The following DCHS2 variants were observed in gnomAD, a reference collection of about 807,000 sequenced individuals.
DCHS2 encodes dachsous cadherin-related 2.
Under a neutral mutation model 182.4 loss-of-function variants are expected in DCHS2, and 142 were observed. The ratio of observed to expected loss-of-function variants is 0.78; its 90% CI spans 0.68 to 0.89. DCHS2 has a LOEUF of 0.89. DCHS2 is among the 40% of genes least tolerant of loss of function. The pLI, the probability that DCHS2 is intolerant of heterozygous loss-of-function variation, is 0.00. For synonymous variants in DCHS2, 1,740 were observed against 1,663.3 expected (o/e 1.05, Z -1.12); for missense variants, 4,319 against 4,198.6 (o/e 1.03, Z -0.79).
chr4:154,341,178 C>T (rs1343923601), intron 3 of DCHS2, among the ~76,000 whole-genome samples: 2 of 152,028 alleles, frequency 1.3e-5, no homozygotes, highest in Non-Finnish European at 2.9e-5. Context: ...ACCATCCTGG[C>T]TAACACAGTG....
chr4:154,296,446 C>T (rs928116626), intron 13 of DCHS2, among the ~76,000 whole-genome samples: 2 of 152,112 alleles, frequency 1.3e-5, no homozygotes, highest in African/African-American at 4.8e-5. Flanking sequence ...ATTCTGAGTG[C>T]CTCTTCCTAC....
chr4:154,314,513 T>G (rs1735780684), intron 10 of DCHS2, among the ~76,000 whole-genome samples: 3 of 152,082 alleles, frequency 2.0e-5, no homozygotes, highest in Non-Finnish European at 2.9e-5. Flanking sequence ...TTGAAAAGAG[T>G]GTTAGTAACA....
intron 1 of DCHS2, among the ~76,000 whole-genome samples, chr4:154,474,423 A>G (rs1167983746): frequency 6.6e-6 from 1 of 152,126 alleles, no homozygotes; most frequent in Non-Finnish European, 1.5e-5. Context: ...TCCTCACGCA[A>G]GGCTATGCCC....
chr4:154,373,114 A>T (rs1236591864), intron 2 of DCHS2, among the ~76,000 whole-genome samples: 1 of 152,228 alleles, frequency 6.6e-6, no homozygotes, highest in Non-Finnish European at 1.5e-5. Flanking sequence ...AAATAAACTC[A>T]TTATGGCCTA....
rs142662132 is a variant in DCHS2, at chr4:154,419,508, G to A, written c.2053-42064C>T. 2.4e-3 allele frequency among the ~76,000 whole-genome samples: 365 copies of A among 151,940 alleles called. 7 individuals carry two copies. The East Asian group carries it at 0.05, about 21-fold the overall frequency. On this transcript the variant is annotated intron_variant, in intron 1 of 19. Coordinates refer to ENST00000357232, the MANE Select transcript of DCHS2 (RefSeq NM_001358235.2). ...TCTACTAAAAATACAAAAGTTAGCC[G>A]GGTGTGGTGGTGGGCACCTGTAATC...
chr4:154,260,547 T>G (rs2111173468), intron 14 of DCHS2, among the ~76,000 whole-genome samples: 1 of 152,292 alleles, frequency 6.6e-6, no homozygotes, highest in East Asian at 1.9e-4. Flanking sequence ...GATCATAATA[T>G]GCATCTGCTT....
At chr4:154,258,100 G>T (rs1732789371) in intron 15 of DCHS2, among the ~76,000 whole-genome samples, 2 of 151,920 alleles carry the variant, frequency 1.3e-5, no homozygotes, top group African/African-American at 4.8e-5. Flanking sequence ...GACTGGAAAA[G>T]TGAATGTTCT....
intron 4 of DCHS2, 71 bp from the exon 5 acceptor site, chr4:154,333,565 T>C (rs1728621759): frequency 7.1e-7 from 1 of 1,417,416 alleles, no homozygotes; most frequent in South Asian, 1.4e-5. Flanking sequence ...GAAATTGAAA[T>C]GTTAATACAG....
At position 154,259,507 on chromosome 4, in the gene DCHS2, CA is replaced by C. The variant is rs780941860; in HGVS notation, c.6789+37del. The C allele has an allele frequency of 3.1e-6, 5 of 1,590,200 alleles. No homozygotes were observed. In the African/African-American group the frequency reaches 4.2e-5, roughly 13 times the overall value. On this transcript the variant is annotated intron_variant, in intron 15 of 19. Transcript: ENST00000357232. ...TCTCTCACACAGACACACCCACACA[CA>C]CACACACACACACACACACAAATAT...
At chr4:154,307,195 C>T (rs930719652) in intron 10 of DCHS2, among the ~76,000 whole-genome samples, 2 of 152,038 alleles carry the variant, frequency 1.3e-5, no homozygotes, top group Non-Finnish European at 2.9e-5. Flanking sequence ...CCCTTATAAT[C>T]CTACAGAACA....
At chr4:154,388,828 A>C (rs1731540080) in intron 1 of DCHS2, among the ~76,000 whole-genome samples, 1 of 152,178 alleles carries the variant, frequency 6.6e-6, no homozygotes, top group African/African-American at 2.4e-5. Flanking sequence ...ATTATTATGA[A>C]AAAGAAGATG....
chr4:154,421,033 C>T (rs1733089418), intron 1 of DCHS2, among the ~76,000 whole-genome samples: 3 of 152,148 alleles, frequency 2.0e-5, no homozygotes, highest in Non-Finnish European at 4.4e-5. Context: ...TCAGAAGTCA[C>T]ACTCACTGAC....
Position 154,331,854 on chromosome 4 carries a change from C to T in DCHS2, c.3730+624G>A, listed in dbSNP as rs980998660. On this transcript the variant is annotated intron_variant, in intron 5 of 19. Transcript: ENST00000357232. ...CATTGTAAGGATTAAATAAACTCCC[C>T]GTAAACTTATACAACATAAATTTTA... 1.5e-5 allele frequency: 12 copies of T among 823,994 alleles called. No individual in the cohort carries two copies. The South Asian group carries it at 1.6e-4, about 11-fold the overall frequency. 51.0% of individuals were successfully genotyped at this position (823,994 alleles called of 1,614,324 possible). A position where few individuals can be genotyped will look rare whatever the true frequency, so the allele number is the denominator to read the frequency against.
chr4:154,407,869 T>C (rs987648399), intron 1 of DCHS2, among the ~76,000 whole-genome samples: 1 of 152,212 alleles, frequency 6.6e-6, no homozygotes, highest in Non-Finnish European at 1.5e-5. Context: ...ATGCATTCCC[T>C]TTACTAAATC....
Position 154,490,134 on chromosome 4 carries a change from C to T in DCHS2, c.1222G>A (p.Asp408Asn), listed in dbSNP as rs1259652559. ...AGCACGTGAATTGCTGGCCGGTTGT[C>T]ATTCACGTCCAGCACGGCGATGGAC... ...RVSIAVLDVN[D>N]NRPAIHVLFL... is the part of the protein sequence containing the mutation. Residue 408 changes from aspartate (D) to asparagine (N), a missense_variant, in exon 1 of 20, where the codon GAC (aspartate) becomes AAC (asparagine). Coordinates refer to ENST00000357232, the MANE Select transcript of DCHS2 (RefSeq NM_001358235.2). The T allele has an allele frequency of 6.5e-7, 1 of 1,548,020 alleles. No individual in the cohort carries two copies. The highest frequency in any genetic ancestry group is 1.2e-5 in the South Asian group (1 of 83,900).
intron 1 of DCHS2, among the ~76,000 whole-genome samples, chr4:154,478,567 C>T (rs188375968): frequency 6.6e-6 from 1 of 152,220 alleles, no homozygotes; most frequent in East Asian, 1.9e-4. Context: ...ACTAGAAACA[C>T]ACAGTCTTTC....
chr4:154,281,917 A>C (rs913816520), intron 13 of DCHS2, among the ~76,000 whole-genome samples: 1 of 152,192 alleles, frequency 6.6e-6, no homozygotes, highest in African/African-American at 2.4e-5. Context: ...TGCCAAGGTT[A>C]CATAATAGGG....
chr4:154,313,082 C>A (rs1735726947), intron 10 of DCHS2, among the ~76,000 whole-genome samples: 1 of 152,158 alleles, frequency 6.6e-6, no homozygotes, highest in Non-Finnish European at 1.5e-5. Flanking sequence ...GAATAACATC[C>A]ACTAATGAAT....
chr4:154,266,938 GTTC>G (rs1733308345), intron 14 of DCHS2, among the ~76,000 whole-genome samples: 2 of 152,220 alleles, frequency 1.3e-5, no homozygotes, highest in African/African-American at 2.4e-5. Flanking sequence ...CCTTCAATAT[GTTC>G]TTCTACTTCT....
Sources: gnomAD v4.1 joint callset for allele counts (sites outside exome capture counted in the v4.1 genomes callset) on GRCh38, gnomAD v4.1.1 for gene constraint, MANE v1.5 for transcripts, NCBI Gene and HGNC (gene_info 2026-07-23, HGNC 2026-07-21) for gene names.